The following MGST2 variants were observed in gnomAD, a reference collection of about 807,000 sequenced individuals.
MGST2 encodes glutathione peroxidase MGST2.
Under a neutral mutation model 16.6 loss-of-function variants are expected in MGST2, and 9 were observed. The ratio of observed to expected loss-of-function variants is 0.54; its 90% CI spans 0.33 to 0.95. The LOEUF (loss-of-function observed/expected upper bound fraction) is 0.95. MGST2 is among the 40% of genes least tolerant of loss of function. The pLI is 0.03. For missense variants in MGST2, 159 were observed against 175.1 expected, an observed-to-expected ratio of 0.91 and a Z score of 0.52; for synonymous variants, 79 against 68.0, an observed-to-expected ratio of 1.16 and a Z score of -0.79.
downstream of MGST2, among the ~76,000 whole-genome samples, chr4:139,704,961 T>C (rs1357868418): frequency 1.3e-5 from 2 of 152,124 alleles, no homozygotes; most frequent in Non-Finnish European, 2.9e-5. Context: ...ATTATAAAAA[T>C]GTACTTTATA....
At chr4:139,744,592 T>C (rs1399021750), downstream of MGST2, among the ~76,000 whole-genome samples, 1 of 152,154 alleles carries the variant, frequency 6.6e-6, no homozygotes, top group Non-Finnish European at 1.5e-5. Context: ...AATTTGAATA[T>C]GCATCCCACT....
chr4:139,673,159 A>G (rs1287986349), intron 1 of MGST2, among the ~76,000 whole-genome samples: 1 of 152,224 alleles, frequency 6.6e-6, no homozygotes, highest in Non-Finnish European at 1.5e-5. Flanking sequence ...CAAGTCAGAC[A>G]AGGAGATAGT....
chr4:139,734,203 C>T (rs1005180269), intron 5 of MGST2, among the ~76,000 whole-genome samples: 1 of 152,196 alleles, frequency 6.6e-6, no homozygotes, highest in Admixed American at 6.5e-5. Context: ...CCTCCAGTCT[C>T]AGAGGGCTTA....
chr4:139,678,464 A>C, intron 1 of MGST2, 79 bp from the exon 2 acceptor site: 1 of 1,004,074 alleles, frequency 1.0e-6, no homozygotes, highest in African/African-American at 1.6e-5. Context: ...AGTACTATCT[A>C]ATTGTGATTT....
intron 2 of MGST2, among the ~76,000 whole-genome samples, chr4:139,686,737 G>T (rs1295031033): frequency 6.6e-6 from 1 of 152,164 alleles, no homozygotes; most frequent in Non-Finnish European, 1.5e-5. Context: ...AAGCTGATTT[G>T]TAGAAAGATA....
At chr4:139,752,893 G>A in the MGST2 span, among the ~76,000 whole-genome samples, 5 of 152,166 alleles carry the variant, frequency 3.3e-5, no homozygotes, top group East Asian at 9.6e-4. Flanking sequence ...TGGTGACACT[G>A]GGAAGAGCTA....
chr4:139,677,561 G>T (rs1731028929), intron 1 of MGST2, among the ~76,000 whole-genome samples: 1 of 151,846 alleles, frequency 6.6e-6, no homozygotes, highest in African/African-American at 2.4e-5. Context: ...GAGTGCAATG[G>T]CATGATCTCG....
intron 2 of MGST2, among the ~76,000 whole-genome samples, chr4:139,693,975 A>G (rs1726769868): frequency 2.0e-5 from 3 of 152,136 alleles, no homozygotes; most frequent in African/African-American, 7.2e-5. Context: ...ACTCTACCTC[A>G]GCCATGTCTT....
At chr4:139,708,704 A>T (rs972356045), downstream of MGST2, among the ~76,000 whole-genome samples, 2 of 152,192 alleles carry the variant, frequency 1.3e-5, no homozygotes, top group African/African-American at 4.8e-5. Context: ...AATTCTGGTT[A>T]GAAAAAAACA....
At chr4:139,749,935 C>G in the MGST2 span, among the ~76,000 whole-genome samples, 1 of 138,478 alleles carries the variant, frequency 7.2e-6, no homozygotes, top group South Asian at 2.3e-4. Flanking sequence ...TATTTGAAAT[C>G]AACTTAAGAA....
At chr4:139,711,398 C>A (rs954403659) in intron 5 of MGST2, among the ~76,000 whole-genome samples, 2 of 152,134 alleles carry the variant, frequency 1.3e-5, no homozygotes, top group Admixed American at 1.3e-4. Context: ...AATGGCTACT[C>A]CATAGAGCAG....
chr4:139,691,066 G>C (rs2646051), intron 2 of MGST2, among the ~76,000 whole-genome samples: 42,545 of 152,112 alleles, frequency 0.28, 7,796 homozygotes, highest in African/African-American at 0.53. Context: ...AGCGTTCATG[G>C]GAAGCTTCAA....
chr4:139,702,726 C>T lies in MGST2; in HGVS notation c.230-729C>T, dbSNP rs183510486. On this transcript the variant is annotated intron_variant, in intron 3 of 4. Transcript: ENST00000265498. ...AGATTGCTGAGTCAAATGTTACGTT[C>T]GATTTTATAAGAAACTACCAGAACT... 1.4e-3 allele frequency among the ~76,000 whole-genome samples: 217 copies of T among 151,268 alleles called. 1 individual carries two copies. Among genetic ancestry groups the T allele is most frequent in the African/African-American group, 4.8e-3 (198 of 41,280 alleles).
rs560823685 is a variant in MGST2 at position 139,691,536 on chromosome 4, T to G, written c.159-3661T>G. On this transcript the variant is annotated intron_variant, in intron 2 of 4. Coordinates refer to ENST00000265498, the MANE Select transcript of MGST2 (RefSeq NM_002413.5). ...GGACATGGTCACATGGTGGAGGGGC[T>G]GGAGGAGGTGACAATTAGCAGGTAG... Among the ~76,000 whole-genome samples the G allele has an allele frequency of 1.0e-3, 159 of 152,140 alleles. 1 individual carries two copies. The highest frequency in any genetic ancestry group is 3.4e-3 in the Middle Eastern group (1 of 294).
chr4:139,700,423 G>A (rs1275830571), intron 3 of MGST2, among the ~76,000 whole-genome samples: 1 of 152,062 alleles, frequency 6.6e-6, no homozygotes, highest in Non-Finnish European at 1.5e-5. Context: ...GAGCCACCAC[G>A]CCCGGCCACC....
At chr4:139,753,138 C>T in the MGST2 span, among the ~76,000 whole-genome samples, 1 of 152,172 alleles carries the variant, frequency 6.6e-6, no homozygotes, top group Non-Finnish European at 1.5e-5. Context: ...TATTTTCCTT[C>T]TTTCCCTTTT....
chr4:139,709,105 T>C (rs1359387936), downstream of MGST2, among the ~76,000 whole-genome samples: 5 of 109,434 alleles, frequency 4.6e-5, no homozygotes, highest in East Asian at 1.5e-3. Context: ...TTTTTTGAGA[T>C]GGAGTCTCAC....
chr4:139,691,522 C>T (rs79525440), intron 2 of MGST2, among the ~76,000 whole-genome samples: 99 of 152,152 alleles, frequency 6.5e-4, no homozygotes, highest in African/African-American at 2.3e-3. Flanking sequence ...GACATGGTCA[C>T]ATGGTGGAGG....
intron 5 of MGST2, chr4:139,717,106 C>CTT (rs1319702257): frequency 2.0e-5 from 3 of 152,394 alleles, no homozygotes; most frequent in East Asian, 3.8e-4. Context: ...ATTGTAAAAA[C>CTT]TTATGTACAA....
Sources: gnomAD v4.1 joint callset for allele counts (sites outside exome capture counted in the v4.1 genomes callset) on GRCh38, gnomAD v4.1.1 for gene constraint, MANE v1.5 for transcripts, NCBI Gene and HGNC (gene_info 2026-07-23, HGNC 2026-07-21) for gene names.